N4BP2L2: variants seen among roughly 807,000 people sequenced by gnomAD.
The protein encoded by N4BP2L2 is NEDD4-binding protein 2-like 2.
A neutral mutation model predicts 56.2 loss-of-function variants in N4BP2L2; 50 were observed. The observed-to-expected ratio is 0.89, with a 90% confidence interval of 0.71 to 1.13. The LOEUF (loss-of-function observed/expected upper bound fraction) is 1.13. Among genes scored for constraint, N4BP2L2 ranks in the 50% most tolerant of loss-of-function variants. N4BP2L2 has a pLI of 0.00. For missense variants in N4BP2L2, 689 were observed against 693.8 expected, an observed-to-expected ratio of 0.99 and a Z score of 0.08; for synonymous variants, 203 against 223.6, an observed-to-expected ratio of 0.91 and a Z score of 0.82.
intron 8 of N4BP2L2, among the ~76,000 whole-genome samples, chr13:32,437,153 G>T (rs2075622630): frequency 1.3e-5 from 2 of 152,112 alleles, no homozygotes; most frequent in South Asian, 4.1e-4. Context: ...AAAATGCTGG[G>T]ATTATAGGCA....
intron 6 of N4BP2L2, among the ~76,000 whole-genome samples, chr13:32,451,358 T>A (rs892692152): frequency 4.0e-5 from 6 of 150,776 alleles, no homozygotes; most frequent in Admixed American, 6.6e-5. Flanking sequence ...CCAGGTGAGA[T>A]TAAGGAAGAA....
chr13:32,434,571 C>T (rs536250884), intron 9 of N4BP2L2, among the ~76,000 whole-genome samples: 94 of 152,228 alleles, frequency 6.2e-4, no homozygotes, highest in African/African-American at 2.0e-3. Context: ...AGCACCCTGC[C>T]CCACTGCCGT....
At chr13:32,487,934 T>C (rs536346471) in intron 6 of N4BP2L2, among the ~76,000 whole-genome samples, 1 of 152,164 alleles carries the variant, frequency 6.6e-6, no homozygotes, top group African/African-American at 2.4e-5. Flanking sequence ...TATTGGCTCA[T>C]TGAAACCTCC....
exon 6 of N4BP2L2, chr13:32,510,495 C>T: frequency 7.0e-6 from 1 of 142,808 alleles, no homozygotes; most frequent in East Asian, 2.1e-4. Context: ...TAAACTCTAT[C>T]AATTTTTTTT....
chr13:32,464,476 A>C (rs1340252173), intron 6 of N4BP2L2, among the ~76,000 whole-genome samples: 1 of 152,198 alleles, frequency 6.6e-6, no homozygotes, highest in Non-Finnish European at 1.5e-5. Flanking sequence ...CTGTTGAGAA[A>C]GCTCACGTCC....
chr13:32,454,759 A>G (rs1167719397), intron 6 of N4BP2L2, among the ~76,000 whole-genome samples: 1 of 152,214 alleles, frequency 6.6e-6, no homozygotes, highest in Non-Finnish European at 1.5e-5. Context: ...CACCTCCTCC[A>G]TAAAGAAGAC....
chr13:32,447,684 A>G (rs2077247863), intron 6 of N4BP2L2, among the ~76,000 whole-genome samples: 2 of 152,038 alleles, frequency 1.3e-5, no homozygotes, highest in African/African-American at 4.8e-5. Context: ...AGAGTTCAGA[A>G]AGTGGAAAAA....
intron 6 of N4BP2L2, among the ~76,000 whole-genome samples, chr13:32,491,517 CTG>C (rs1488907981): frequency 1.4e-5 from 2 of 146,304 alleles, no homozygotes; most frequent in African/African-American, 2.5e-5. Flanking sequence ...ATAATAAAAA[CTG>C]AAAAAACTAT....
At chr13:32,519,799 T>C (rs2139985236) in intron 5 of N4BP2L2, among the ~76,000 whole-genome samples, 1 of 152,272 alleles carries the variant, frequency 6.6e-6, no homozygotes, top group East Asian at 1.9e-4. Context: ...TTTTCAAAAA[T>C]CAAGCTACAC....
At chr13:32,446,011 G>A (rs1408014649) in intron 6 of N4BP2L2, among the ~76,000 whole-genome samples, 2 of 152,144 alleles carry the variant, frequency 1.3e-5, no homozygotes, top group East Asian at 3.9e-4. Context: ...CAGGACAGAG[G>A]AATAGAAAAG....
chr13:32,479,704 G>A (rs771766145), intron 6 of N4BP2L2, among the ~76,000 whole-genome samples: 2 of 151,386 alleles, frequency 1.3e-5, no homozygotes, highest in Non-Finnish European at 2.9e-5. Context: ...AAACAAGGTC[G>A]TGAGTTAAGG....
chr13:32,520,995 A>G lies in N4BP2L2; in HGVS notation c.1550+378T>C, dbSNP rs115544132. 7.6e-3 allele frequency among the ~76,000 whole-genome samples: 1,151 copies of G among 152,292 alleles called. 13 individuals are homozygous for G. The highest frequency in any genetic ancestry group is 0.026 in the African/African-American group (1,085 of 41,548). On this transcript the variant is annotated intron_variant, in intron 5 of 5. Coordinates refer to ENST00000267068, the Ensembl canonical transcript of N4BP2L2. Reference sequence around the variant, plus strand: ...ATGTTTGATTATAACATGCTCCCCCAAACTCTGAAAAGGGAGTTAAGATTA... The same window carrying G: ...ATGTTTGATTATAACATGCTCCCCCGAACTCTGAAAAGGGAGTTAAGATTA...
chr13:32,482,973 C>G (rs1177458842), intron 6 of N4BP2L2, among the ~76,000 whole-genome samples: 1 of 152,126 alleles, frequency 6.6e-6, no homozygotes, highest in Non-Finnish European at 1.5e-5. Context: ...TTTTTAAATT[C>G]TAGTGTGCTC....
chr13:32,534,388 C>T (rs1189197611), intron 2 of N4BP2L2, among the ~76,000 whole-genome samples: 1 of 152,102 alleles, frequency 6.6e-6, no homozygotes, highest in East Asian at 1.9e-4. Context: ...TTCTTCTATA[C>T]CCACTCTTAG....
At chr13:32,508,451 C>G (rs1382022891), downstream of N4BP2L2, 12 of 152,110 alleles carry the variant, frequency 7.9e-5, no homozygotes, top group Admixed American at 7.9e-4. Context: ...CAATTCAGAG[C>G]ACAGGTGAAG....
In N4BP2L2 at chr13:32,500,856, T is replaced by C. The variant is rs1303041484; in HGVS notation, c.365+17001A>G. Among the ~76,000 whole-genome samples, 5 of 149,950 alleles carry C rather than the reference T, an allele frequency of 3.3e-5. No individual in the cohort carries two copies. In the East Asian group the frequency reaches 5.9e-4, roughly 18 times the overall value. On this transcript the variant is annotated intron_variant, in intron 6 of 9. Coordinates refer to the N4BP2L2 transcript ENST00000357505. ...GAGTCTTATGACAACTCTGTCACTT[T>C]AGTCTTTTCTTTTTTTTTTTTTTTT...
At position 32,472,810 on chromosome 13, in the gene N4BP2L2, C is replaced by T. The variant is rs140066006; in HGVS notation, c.366-28684G>A. 5.0e-4 allele frequency among the ~76,000 whole-genome samples: 76 copies of T among 152,232 alleles called. 1 individual carries two copies. Among genetic ancestry groups the T allele is most frequent in the African/African-American group, 1.8e-3 (74 of 41,540 alleles). ...CAGACATCCCTCCTGCTAGAACTGC[C>T]TTTTAGACAGTAAAGCAATTCCCAA... On this transcript the variant is annotated intron_variant, in intron 6 of 9. Transcript: ENST00000357505.
intron 2 of N4BP2L2, among the ~76,000 whole-genome samples, 185 bp from the exon 3 acceptor site, chr13:32,527,717 G>T (rs946321397): frequency 2.6e-5 from 4 of 151,328 alleles, no homozygotes; most frequent in Non-Finnish European, 4.4e-5. Flanking sequence ...ATCTTACAAA[G>T]ATTTCAGATT....
intron 6 of N4BP2L2, among the ~76,000 whole-genome samples, chr13:32,453,892 G>A (rs1490121204): frequency 6.6e-6 from 1 of 152,158 alleles, no homozygotes; most frequent in Non-Finnish European, 1.5e-5. Context: ...CCAGTGTAGG[G>A]GGCATTTGTG....
Sources: gnomAD v4.1 joint callset for allele counts (sites outside exome capture counted in the v4.1 genomes callset) on GRCh38, gnomAD v4.1.1 for gene constraint, MANE v1.5 for transcripts, NCBI Gene and HGNC (gene_info 2026-07-23, HGNC 2026-07-21) for gene names.